The following PDE10A variants were observed in gnomAD, a reference collection of about 807,000 sequenced individuals.
PDE10A encodes the protein phosphodiesterase 10A.
PDE10A carries 39 observed loss-of-function variants against 97.7 expected under a neutral mutation model. The observed-to-expected ratio is 0.40, with a 90% CI of 0.31 to 0.52. PDE10A has a LOEUF of 0.52. Among genes scored for constraint, PDE10A ranks in the 20% least tolerant of loss-of-function variants. The probability of loss-of-function intolerance (pLI) is 0.56; values close to 1 mark genes in which losing one functional copy is unlikely to be tolerated. For missense variants in PDE10A, 731 were observed against 1,047.8 expected, an observed-to-expected ratio of 0.70 and a Z score of 4.17; for synonymous variants, 371 against 376.8, an observed-to-expected ratio of 0.98 and a Z score of 0.18.
At chr6:165,517,807 T>C (rs1265068906) in intron 2 of PDE10A, among the ~76,000 whole-genome samples, 3 of 152,218 alleles carry the variant, frequency 2.0e-5, no homozygotes, top group Admixed American at 6.5e-5. Flanking sequence ...AATCTACATA[T>C]GTGTTAAAAT....
chr6:165,727,251 T>C (rs1792322445), intron 1 of PDE10A, among the ~76,000 whole-genome samples: 1 of 152,150 alleles, frequency 6.6e-6, no homozygotes, highest in African/African-American at 2.4e-5. Flanking sequence ...TTTTCCTCCT[T>C]AGAATCACGC....
At chr6:165,429,364 G>C (rs1789393046) in intron 9 of PDE10A, among the ~76,000 whole-genome samples, 1 of 152,088 alleles carries the variant, frequency 6.6e-6, no homozygotes, top group Non-Finnish European at 1.5e-5. Flanking sequence ...GGACTCTTAA[G>C]ATAGACTGCA....
intron 3 of PDE10A, among the ~76,000 whole-genome samples, chr6:165,479,651 A>G (rs1015927226): frequency 6.6e-6 from 1 of 152,174 alleles, no homozygotes; most frequent in Non-Finnish European, 1.5e-5. Context: ...ACACATCCAT[A>G]AATTTTCTGA....
At chr6:165,755,965 C>T (rs1793108915) in intron 1 of PDE10A, among the ~76,000 whole-genome samples, 1 of 152,200 alleles carries the variant, frequency 6.6e-6, no homozygotes, top group Non-Finnish European at 1.5e-5. Context: ...GAACTCCTGT[C>T]TGGTGGCAGG....
intron 1 of PDE10A, among the ~76,000 whole-genome samples, chr6:165,893,230 G>A (rs574853825): frequency 1.3e-5 from 2 of 152,200 alleles, no homozygotes; most frequent in Admixed American, 6.5e-5. Flanking sequence ...CATCGCTACA[G>A]CAATTTTAAT....
intron 1 of PDE10A, among the ~76,000 whole-genome samples, chr6:165,734,910 C>T (rs895968119): frequency 1.3e-5 from 2 of 151,968 alleles, no homozygotes; most frequent in Admixed American, 1.3e-4. Context: ...CATTCGGATT[C>T]TGTATTAGGA....
intron 1 of PDE10A, among the ~76,000 whole-genome samples, chr6:165,764,405 A>G (rs1372294943): frequency 6.6e-6 from 1 of 152,208 alleles, no homozygotes; most frequent in Non-Finnish European, 1.5e-5. Flanking sequence ...TAGATAGGGC[A>G]ATACTCTGTG....
At chr6:165,384,694 G>A (rs1247967501) in intron 17 of PDE10A, among the ~76,000 whole-genome samples, 1 of 144,680 alleles carries the variant, frequency 6.9e-6, no homozygotes, top group African/African-American at 2.6e-5. Context: ...CTAAAGGTTA[G>A]CTTTTCAAGT....
intron 20 of PDE10A, 103 bp from the exon 21 acceptor site, chr6:165,336,314 T>G (rs945923792): frequency 5.3e-6 from 4 of 759,976 alleles, no homozygotes; most frequent in Non-Finnish European, 9.0e-6. Flanking sequence ...GAGGCCTAAT[T>G]ATAAAATTGC....
intron 1 of PDE10A, among the ~76,000 whole-genome samples, chr6:165,696,988 TG>T (rs1791458140): frequency 6.6e-6 from 1 of 151,950 alleles, no homozygotes; most frequent in Admixed American, 6.6e-5. Context: ...TGATGCTAGC[TG>T]AAGAACAGAG....
At chr6:165,926,574 C>T (rs1336930266) in intron 1 of PDE10A, among the ~76,000 whole-genome samples, 1 of 152,222 alleles carries the variant, frequency 6.6e-6, no homozygotes, top group Non-Finnish European at 1.5e-5. Context: ...TGTTCACACT[C>T]TCCCTGTGTG....
rs143111960 is a variant in PDE10A, at chr6:165,981,642, G to T, written c.-615+5887C>A. On this transcript the variant is annotated intron_variant, in intron 1 of 19. Coordinates refer to the PDE10A transcript ENST00000366882. ...CTTCACCTTCTTTGGCCCACTGGAT[G>T]GTAATGGCCTTTCTGGTTTGAAGCC... 2.4e-4 allele frequency among the ~76,000 whole-genome samples: 36 copies of T among 152,270 alleles called. No homozygotes were observed. In the East Asian group the frequency reaches 6.4e-3, roughly 27 times the overall value.
chr6:165,772,162 A>G (rs542557602), intron 1 of PDE10A, among the ~76,000 whole-genome samples: 47 of 152,346 alleles, frequency 3.1e-4, no homozygotes, highest in African/African-American at 1.1e-3. Context: ...CCCCACCGGC[A>G]AGTACAAAGA....
At chr6:165,575,690 G>A (rs1785267280) in intron 1 of PDE10A, among the ~76,000 whole-genome samples, 1 of 152,152 alleles carries the variant, frequency 6.6e-6, no homozygotes, top group East Asian at 1.9e-4. Flanking sequence ...CACCATCAAA[G>A]TCAAAAGAGT....
intron 1 of PDE10A, among the ~76,000 whole-genome samples, chr6:165,602,239 A>G (rs1220107056): frequency 6.6e-6 from 1 of 152,058 alleles, no homozygotes; most frequent in East Asian, 1.9e-4. Flanking sequence ...GCTGATCCCC[A>G]CTGTCTCCCT....
intron 3 of PDE10A, among the ~76,000 whole-genome samples, chr6:165,462,302 A>T (rs1778372179): frequency 6.6e-6 from 1 of 152,244 alleles, no homozygotes; most frequent in Admixed American, 6.5e-5. Context: ...ATCTAGCATT[A>T]TTAACTTTAA....
intron 2 of PDE10A, among the ~76,000 whole-genome samples, chr6:165,520,212 A>C (rs569028780): frequency 6.6e-6 from 1 of 152,180 alleles, no homozygotes; most frequent in Non-Finnish European, 1.5e-5. Flanking sequence ...TTCTCATGGG[A>C]AAGGAAGAAT....
intron 18 of PDE10A, among the ~76,000 whole-genome samples, chr6:165,356,302 T>C (rs1166857595): frequency 6.6e-6 from 1 of 152,198 alleles, no homozygotes; most frequent in Non-Finnish European, 1.5e-5. Context: ...TGCATAATGG[T>C]ACATACACCA....
chr6:165,918,300 C>T (rs1362078528), intron 1 of PDE10A, among the ~76,000 whole-genome samples: 2 of 152,100 alleles, frequency 1.3e-5, no homozygotes, highest in Non-Finnish European at 2.9e-5. Context: ...CTGAAACTAT[C>T]AACAGTATTT....
Sources: allele counts gnomAD v4.1 joint callset (sites outside exome capture counted in the v4.1 genomes callset), GRCh38; gene constraint gnomAD v4.1.1; transcripts MANE v1.5; gene names NCBI Gene and HGNC (gene_info 2026-07-23, HGNC 2026-07-21).